SYNJ2BP: variants seen among roughly 807,000 people sequenced by gnomAD.
The protein encoded by SYNJ2BP is synaptojanin 2 binding protein.
SYNJ2BP carries 10 observed loss-of-function variants against 16.9 expected under a neutral mutation model. The ratio of observed to expected loss-of-function variants is 0.59; its 90% CI spans 0.36 to 1.00. The LOEUF (loss-of-function observed/expected upper bound fraction) is 1.00. SYNJ2BP is among the 50% of genes least tolerant of loss of function. The pLI, the probability that SYNJ2BP is intolerant of heterozygous loss-of-function variation, is 0.01. For missense variants in SYNJ2BP, 162 were observed against 186.7 expected (o/e 0.87, Z 0.77); for synonymous variants, 54 against 68.4 (o/e 0.79, Z 1.04).
intron 3 of SYNJ2BP, among the ~76,000 whole-genome samples, chr14:70,374,334 G>A (rs1185636835): frequency 6.6e-6 from 1 of 152,170 alleles, no homozygotes; most frequent in African/African-American, 2.4e-5. Context: ...CCCAGATTCT[G>A]CTTGCAACTG....
At chr14:70,396,413 G>C (rs541677177) in intron 1 of SYNJ2BP, among the ~76,000 whole-genome samples, 1 of 152,010 alleles carries the variant, frequency 6.6e-6, no homozygotes, top group African/African-American at 2.4e-5. Context: ...CACCGCGCCC[G>C]GTCCCTTCTT....
chr14:70,405,373 T>A (rs1430649204), intron 1 of SYNJ2BP, among the ~76,000 whole-genome samples: 2 of 152,054 alleles, frequency 1.3e-5, no homozygotes, highest in Non-Finnish European at 2.9e-5. Flanking sequence ...ACTGAAGGTT[T>A]GAACAGGTTG....
chr14:70,377,079 C>A (rs1020608298), intron 2 of SYNJ2BP, among the ~76,000 whole-genome samples: 1 of 152,208 alleles, frequency 6.6e-6, no homozygotes, highest in Admixed American at 6.5e-5. Context: ...ACTTAGACTT[C>A]AATATTAGAC....
At chr14:70,404,833 T>A (rs77958051) in intron 1 of SYNJ2BP, among the ~76,000 whole-genome samples, 428 of 152,180 alleles carry the variant, frequency 2.8e-3, no homozygotes, top group African/African-American at 9.8e-3. Flanking sequence ...AAATGTAAAT[T>A]AAATAAGGAG....
At chr14:70,377,338 CATT>C (rs1376236607) in intron 2 of SYNJ2BP, among the ~76,000 whole-genome samples, 1 of 152,158 alleles carries the variant, frequency 6.6e-6, no homozygotes, top group African/African-American at 2.4e-5. Flanking sequence ...TTCTTGCCAT[CATT>C]AAGTTGAATA....
At chr14:70,414,040 A>G (rs1190778272) in intron 1 of SYNJ2BP, among the ~76,000 whole-genome samples, 3 of 152,202 alleles carry the variant, frequency 2.0e-5, no homozygotes, top group Non-Finnish European at 4.4e-5. Context: ...TCTAGTGGTG[A>G]TTAGTTTCTA....
At chr14:70,388,911 T>A (rs370482578) in intron 1 of SYNJ2BP, among the ~76,000 whole-genome samples, 6 of 151,958 alleles carry the variant, frequency 3.9e-5, no homozygotes, top group African/African-American at 1.4e-4. Flanking sequence ...TTACTCTAAG[T>A]TCGTTCTTCT....
chr14:70,377,063 A>G (rs1310582811), intron 2 of SYNJ2BP, among the ~76,000 whole-genome samples: 1 of 152,240 alleles, frequency 6.6e-6, no homozygotes, highest in Non-Finnish European at 1.5e-5. Context: ...TCACCAATTG[A>G]CGTAAACTTA....
At chr14:70,400,596 C>T (rs1014347030) in intron 1 of SYNJ2BP, among the ~76,000 whole-genome samples, 3 of 152,136 alleles carry the variant, frequency 2.0e-5, no homozygotes, top group African/African-American at 4.8e-5. Flanking sequence ...ACAAATCTTC[C>T]ACAACTTGTT....
intron 1 of SYNJ2BP, among the ~76,000 whole-genome samples, chr14:70,415,810 G>A (rs188802538): frequency 6.6e-6 from 1 of 152,208 alleles, no homozygotes; most frequent in Admixed American, 6.5e-5. Flanking sequence ...GTATTAGTAG[G>A]ATTTACTGTG....
intron 1 of SYNJ2BP, among the ~76,000 whole-genome samples, chr14:70,393,876 C>T (rs117926914): frequency 6.3e-4 from 94 of 149,902 alleles, no homozygotes; most frequent in Non-Finnish European, 1.1e-3. Context: ...ACCTAGATAA[C>T]GGGTTGATAG....
chr14:70,400,501 C>T (rs1888212004), intron 1 of SYNJ2BP, among the ~76,000 whole-genome samples: 1 of 152,032 alleles, frequency 6.6e-6, no homozygotes, highest in South Asian at 2.1e-4. Flanking sequence ...GTTTTATTCC[C>T]AAGTTCACTT....
At position 70,369,176 on chromosome 14, in the gene SYNJ2BP, G is replaced by A. The variant is rs1319951703; in HGVS notation, c.*3815C>T. The A allele has an allele frequency of 6.6e-6, 1 of 152,150 alleles. No individual in the cohort carries two copies. The highest frequency in any genetic ancestry group is 1.9e-4 in the East Asian group (1 of 5,202). 9.4% of individuals were successfully genotyped at this position (152,150 alleles called of 1,614,324 possible). A position where few individuals can be genotyped will look rare whatever the true frequency, so the allele number is the denominator to read the frequency against. ...CCGTTGCTCAGGCTAGAATGAAGTG[G>A]AGCAATCACGGCTCACTGCACCTCA... On this transcript the variant is annotated 3_prime_UTR_variant, in exon 4 of 4. Coordinates refer to ENST00000256366, the MANE Select transcript of SYNJ2BP (RefSeq NM_018373.3).
rs1887471507 is a variant in SYNJ2BP, at chr14:70,369,502, A to G, written c.*3489T>C. The stretch of plus-strand genomic sequence containing the variant: ...AGAATATCATTGATGCTGGCATCTG[A>G]AGTCCTGAGTTTAAATCCTGATTCT... On this transcript the variant is annotated 3_prime_UTR_variant, in exon 4 of 4. Coordinates refer to ENST00000256366, the MANE Select transcript of SYNJ2BP (RefSeq NM_018373.3). The G allele has an allele frequency of 6.6e-6, 1 of 152,198 alleles. No individual in the cohort carries two copies. The highest frequency in any genetic ancestry group is 2.4e-5 in the African/African-American group (1 of 41,460). 9.4% of individuals were successfully genotyped at this position (152,198 alleles called of 1,614,324 possible). A position where few individuals can be genotyped will look rare whatever the true frequency, so the allele number is the denominator to read the frequency against.
intron 1 of SYNJ2BP, among the ~76,000 whole-genome samples, chr14:70,390,932 G>C (rs908129801): frequency 6.6e-6 from 1 of 151,946 alleles, no homozygotes; most frequent in Non-Finnish European, 1.5e-5. Flanking sequence ...TCAGGAGTTC[G>C]AGACCAGCCT....
intron 1 of SYNJ2BP, among the ~76,000 whole-genome samples, chr14:70,413,827 A>G (rs1888542650): frequency 6.6e-6 from 1 of 152,182 alleles, no homozygotes; most frequent in African/African-American, 2.4e-5. Flanking sequence ...AATATCCACA[A>G]TTCTTGTCCC....
At chr14:70,400,768 T>C (rs1193919754) in intron 1 of SYNJ2BP, among the ~76,000 whole-genome samples, 1 of 152,260 alleles carries the variant, frequency 6.6e-6, no homozygotes, top group Non-Finnish European at 1.5e-5. Context: ...CTCAATTACA[T>C]GTTATAATGG....
At chr14:70,396,622 T>A (rs1424979101) in intron 1 of SYNJ2BP, among the ~76,000 whole-genome samples, 2 of 141,612 alleles carry the variant, frequency 1.4e-5, no homozygotes, top group East Asian at 2.1e-4. Context: ...ATATGTATAT[T>A]TATATATATA....
At chr14:70,393,563 C>T (rs1399755947) in intron 1 of SYNJ2BP, among the ~76,000 whole-genome samples, 2 of 152,134 alleles carry the variant, frequency 1.3e-5, no homozygotes, top group Admixed American at 6.5e-5. Flanking sequence ...AAATGCCCAT[C>T]AACAATAGAC....
Sources: gnomAD v4.1 joint callset for allele counts (sites outside exome capture counted in the v4.1 genomes callset) on GRCh38, gnomAD v4.1.1 for gene constraint, MANE v1.5 for transcripts, NCBI Gene and HGNC (gene_info 2026-07-23, HGNC 2026-07-21) for gene names.